NUMB: variants seen among roughly 807,000 people sequenced by gnomAD.
The protein encoded by NUMB is NUMB endocytic adaptor protein, also known as protein numb homolog.
In NUMB, 29 loss-of-function variants were observed where a neutral mutation model predicts 59.7. That is an observed-to-expected ratio of 0.49 (90% CI 0.36 to 0.66). The LOEUF is 0.66. Ranked by LOEUF, NUMB falls within the 30% of genes least tolerant of loss-of-function variation. The pLI is 0.00. For synonymous variants in NUMB, 288 were observed against 288.2 expected (o/e 1.00, Z 0.01); for missense variants, 723 against 822.0 (o/e 0.88, Z 1.47).
chr14:73,289,780 T>C (rs533326059), intron 8 of NUMB, among the ~76,000 whole-genome samples: 1 of 152,350 alleles, frequency 6.6e-6, no homozygotes, highest in South Asian at 2.1e-4. Flanking sequence ...GGCCAGATGT[T>C]AAAGCATGAA....
At chr14:73,291,281 A>G (rs964547711) in intron 8 of NUMB, among the ~76,000 whole-genome samples, 3 of 152,026 alleles carry the variant, frequency 2.0e-5, no homozygotes, top group African/African-American at 7.3e-5. Flanking sequence ...GGGTTTCATC[A>G]TGTTGGCCAG....
intron 1 of NUMB, among the ~76,000 whole-genome samples, chr14:73,456,159 G>C (rs1884355437): frequency 6.6e-6 from 1 of 151,546 alleles, no homozygotes; most frequent in Non-Finnish European, 1.5e-5. Flanking sequence ...GCCCAGACTG[G>C]AATGCAATGG....
intron 4 of NUMB, among the ~76,000 whole-genome samples, chr14:73,352,523 T>TGG (rs1893437018): frequency 4.0e-5 from 1 of 24,814 alleles, no homozygotes; most frequent in African/African-American, 1.4e-4. Flanking sequence ...TATATATATA[T>TGG]ATATATGTTT....
intron 5 of NUMB, among the ~76,000 whole-genome samples, chr14:73,318,579 T>C (rs975630901): frequency 3.9e-5 from 6 of 152,184 alleles, no homozygotes; most frequent in African/African-American, 7.2e-5. Flanking sequence ...AAAGGCCTTA[T>C]ACACTTTTTT....
At chr14:73,424,896 C>T (rs1897515425) in intron 1 of NUMB, among the ~76,000 whole-genome samples, 1 of 152,234 alleles carries the variant, frequency 6.6e-6, no homozygotes, top group African/African-American at 2.4e-5. Context: ...AGAATGACGG[C>T]TTTAGGAGTT....
At chr14:73,277,435 A>G in intron 12 of NUMB, 142 bp from the exon 13 acceptor site, 1 of 675,658 alleles carries the variant, frequency 1.5e-6, no homozygotes, top group Non-Finnish European at 2.5e-6. Flanking sequence ...AGGTAGGAGT[A>G]AAGTCTCTAT....
At chr14:73,328,726 G>C (rs1030325393) in intron 4 of NUMB, among the ~76,000 whole-genome samples, 5 of 152,012 alleles carry the variant, frequency 3.3e-5, no homozygotes, top group Non-Finnish European at 4.4e-5. Context: ...CTTATTTGAT[G>C]AAGTATCTGT....
intron 1 of NUMB, among the ~76,000 whole-genome samples, chr14:73,413,645 C>A (rs1223035090): frequency 6.6e-6 from 1 of 151,836 alleles, no homozygotes; most frequent in Non-Finnish European, 1.5e-5. Flanking sequence ...GTAGTCCCAG[C>A]TACTCAGGAG....
intron 6 of NUMB, among the ~76,000 whole-genome samples, chr14:73,303,172 C>T (rs1055900273): frequency 6.6e-6 from 1 of 151,748 alleles, no homozygotes; most frequent in East Asian, 1.9e-4. Context: ...GAGCTGAGAT[C>T]GCACCATTGC....
At chr14:73,446,625 T>TTA (rs1038458625) in intron 1 of NUMB, among the ~76,000 whole-genome samples, 7 of 150,570 alleles carry the variant, frequency 4.6e-5, no homozygotes, top group African/African-American at 1.7e-4. Flanking sequence ...AAAAAAATCC[T>TTA]TAACATGACA....
At position 73,417,690 on chromosome 14, in the gene NUMB, C is replaced by A. The variant is rs530263334; in HGVS notation, c.-232-7622G>T. Among the ~76,000 whole-genome samples the A allele has an allele frequency of 2.1e-4, 32 of 152,194 alleles. No homozygotes were observed. In the South Asian group the frequency reaches 6.6e-3, roughly 32 times the overall value. ...GCAATTCCATTTCTAGGTATATACCCAAAATAACTGAAAGTAGAGACTCAA... is the reference window on the plus strand; with the variant it reads ...GCAATTCCATTTCTAGGTATATACCAAAAATAACTGAAAGTAGAGACTCAA... On this transcript the variant is annotated intron_variant, in intron 1 of 12. Transcript: ENST00000555238.
At position 73,279,541 on chromosome 14, in the gene NUMB, G is replaced by C. The variant is rs1363753277; in HGVS notation, c.1097-117C>G. 3.1e-6 allele frequency: 3 copies of C among 962,622 alleles called. No individual in the cohort carries two copies. The East Asian group carries it at 8.5e-5, about 27-fold the overall frequency. 59.6% of individuals were successfully genotyped at this position (962,622 alleles called of 1,614,324 possible). On this transcript the variant is annotated intron_variant, in intron 11 of 12. Transcript: ENST00000555238. The stretch of plus-strand genomic sequence containing the variant: ...TACTGGTGGAATGGATAAGAGAGAA[G>C]AGTTGATGTTTGGGAAAACCATGAT...
At chr14:73,281,993 A>G (rs1298519915) in intron 11 of NUMB, among the ~76,000 whole-genome samples, 1 of 152,226 alleles carries the variant, frequency 6.6e-6, no homozygotes, top group Non-Finnish European at 1.5e-5. Flanking sequence ...GAGAACCACT[A>G]CACTAAAGAA....
intron 2 of NUMB, among the ~76,000 whole-genome samples, chr14:73,408,190 GCACTCCAGCC>G (rs1896759777): frequency 2.6e-5 from 4 of 151,388 alleles, no homozygotes. Context: ...TTGCGCCACT[GCACTCCAGCC>G]TGGGCGACAG....
At chr14:73,445,653 G>A (rs1883444739) in intron 1 of NUMB, among the ~76,000 whole-genome samples, 1 of 152,076 alleles carries the variant, frequency 6.6e-6, no homozygotes, top group Non-Finnish European at 1.5e-5. Flanking sequence ...AACATTTACT[G>A]GGCATTTACT....
intron 4 of NUMB, among the ~76,000 whole-genome samples, chr14:73,331,400 C>G (rs1891966479): frequency 6.6e-6 from 1 of 151,976 alleles, no homozygotes. Flanking sequence ...AAAAAATTAG[C>G]CGGGCGTGGT....
At chr14:73,306,127 A>C (rs1890414488) in intron 6 of NUMB, among the ~76,000 whole-genome samples, 1 of 152,252 alleles carries the variant, frequency 6.6e-6, no homozygotes, top group South Asian at 2.1e-4. Context: ...TACTGTGCTC[A>C]GGAAGAGTAC....
chr14:73,441,655 C>T (rs113805107), intron 1 of NUMB, among the ~76,000 whole-genome samples: 10 of 151,952 alleles, frequency 6.6e-5, no homozygotes, highest in African/African-American at 1.2e-4. Flanking sequence ...GAGAAAGAAA[C>T]GCTTGAGGCC....
At chr14:73,393,605 T>C (rs2140102457) in intron 2 of NUMB, among the ~76,000 whole-genome samples, 1 of 152,346 alleles carries the variant, frequency 6.6e-6, no homozygotes, top group Middle Eastern at 3.4e-3. Flanking sequence ...CCAGTTTTAA[T>C]GTTTGCAGTT....
Sources: allele counts gnomAD v4.1 joint callset (sites outside exome capture counted in the v4.1 genomes callset), GRCh38; gene constraint gnomAD v4.1.1; transcripts MANE v1.5; gene names NCBI Gene and HGNC (gene_info 2026-07-23, HGNC 2026-07-21).